The following KCNIP4 variants were observed in gnomAD, a reference collection of about 807,000 sequenced individuals.
The protein encoded by KCNIP4 is potassium voltage-gated channel interacting protein 4, also known as Kv channel-interacting protein 4.
KCNIP4 carries 12 observed loss-of-function variants against 34.0 expected under a neutral mutation model. The observed-to-expected ratio is 0.35, with a 90% CI of 0.23 to 0.57. The LOEUF (loss-of-function observed/expected upper bound fraction) is 0.57, where lower values mean the gene tolerates loss of function less well. Among genes scored for constraint, KCNIP4 ranks in the 20% least tolerant of loss-of-function variants. KCNIP4 has a pLI of 0.83. For missense variants in KCNIP4, 238 were observed against 311.7 expected (o/e 0.76, Z 1.78); for synonymous variants, 124 against 102.2 (o/e 1.21, Z -1.29).
intron 1 of KCNIP4, among the ~76,000 whole-genome samples, chr4:21,569,965 T>G: frequency 6.6e-6 from 1 of 151,194 alleles, no homozygotes. Context: ...AGAATGGGGG[T>G]GGGCTATGTG....
In KCNIP4 at chr4:21,510,917, G is replaced by A. The variant is rs536709052; in HGVS notation, c.61+437654C>T. 1.2e-4 allele frequency among the ~76,000 whole-genome samples: 18 copies of A among 152,126 alleles called. No homozygotes were observed. In the East Asian group the frequency reaches 2.1e-3, roughly 18 times the overall value. On this transcript the variant is annotated intron_variant, in intron 1 of 8. Coordinates refer to ENST00000382152, the MANE Select transcript of KCNIP4 (RefSeq NM_025221.6). ...AAGTTAGCTGGGCATGGTGGTGGGC[G>A]CATGTAGTCCCAGCTACTAGGGAGG...
At chr4:21,888,280 G>C (rs1002003380) in intron 1 of KCNIP4, among the ~76,000 whole-genome samples, 1 of 152,060 alleles carries the variant, frequency 6.6e-6, no homozygotes, top group Non-Finnish European at 1.5e-5. Context: ...GAAGAGTAAG[G>C]GAAAACTGGT....
chr4:20,821,060 A>T (rs534881621), intron 3 of KCNIP4, among the ~76,000 whole-genome samples: 1 of 152,284 alleles, frequency 6.6e-6, no homozygotes, highest in Admixed American at 6.5e-5. Context: ...CAGAGCCTCT[A>T]CTAGGGTAAT....
intron 4 of KCNIP4, among the ~76,000 whole-genome samples, chr4:20,751,589 C>G (rs1377293447): frequency 6.6e-6 from 1 of 152,036 alleles, no homozygotes; most frequent in African/African-American, 2.4e-5. Flanking sequence ...TTAAGCAAGT[C>G]TCTAGTTACC....
At chr4:21,235,693 G>A (rs1258583648) in intron 1 of KCNIP4, among the ~76,000 whole-genome samples, 1 of 152,142 alleles carries the variant, frequency 6.6e-6, no homozygotes, top group Non-Finnish European at 1.5e-5. Flanking sequence ...TCCCCTACTA[G>A]GATGTAACTT....
intron 1 of KCNIP4, among the ~76,000 whole-genome samples, chr4:21,409,432 G>A (rs568466145): frequency 7.9e-5 from 12 of 152,124 alleles, no homozygotes; most frequent in African/African-American, 2.6e-4. Flanking sequence ...TTGTGGATCC[G>A]CTTTTCTGAA....
intron 1 of KCNIP4, among the ~76,000 whole-genome samples, chr4:21,773,745 GTT>G (rs55701942): frequency 0.016 from 1,793 of 115,410 alleles, 33 homozygotes; most frequent in African/African-American, 0.036. Context: ...TTTTTTTGTT[GTT>G]TTTTTTTTTT....
intron 1 of KCNIP4, among the ~76,000 whole-genome samples, 171 bp from the exon 2 acceptor site, chr4:20,882,880 T>C (rs1007542651): frequency 6.6e-6 from 1 of 152,076 alleles, no homozygotes; most frequent in Admixed American, 6.6e-5. Context: ...TTTGTTTTCT[T>C]CTTATTTAGT....
At chr4:20,842,998 C>A (rs1352181410) in intron 3 of KCNIP4, among the ~76,000 whole-genome samples, 1 of 151,608 alleles carries the variant, frequency 6.6e-6, no homozygotes, top group Non-Finnish European at 1.5e-5. Flanking sequence ...ACCTCCACCT[C>A]CCAGGCTCAA....
chr4:20,804,258 T>A (rs1233198092), intron 3 of KCNIP4, among the ~76,000 whole-genome samples: 2 of 152,204 alleles, frequency 1.3e-5, no homozygotes, highest in Non-Finnish European at 2.9e-5. Flanking sequence ...AGTAATTTGC[T>A]CATGGTCATG....
intron 1 of KCNIP4, among the ~76,000 whole-genome samples, chr4:20,947,498 T>C (rs911140691): frequency 6.6e-6 from 1 of 152,170 alleles, no homozygotes; most frequent in African/African-American, 2.4e-5. Context: ...CCCTCACCAA[T>C]CACTCGTTCT....
intron 5 of KCNIP4, among the ~76,000 whole-genome samples, chr4:20,746,129 A>G (rs1264902323): frequency 3.9e-5 from 6 of 152,136 alleles, no homozygotes; most frequent in Admixed American, 2.6e-4. Context: ...AACCAACCCA[A>G]ATGTCCATCA....
chr4:20,798,071 C>T (rs2036507429), intron 3 of KCNIP4, among the ~76,000 whole-genome samples: 1 of 152,174 alleles, frequency 6.6e-6, no homozygotes, highest in Non-Finnish European at 1.5e-5. Flanking sequence ...TTCATTAATT[C>T]ATTTGTTCAT....
chr4:21,694,202 G>C (rs1712010592), intron 1 of KCNIP4, among the ~76,000 whole-genome samples: 1 of 152,150 alleles, frequency 6.6e-6, no homozygotes, highest in Admixed American at 6.5e-5. Flanking sequence ...TACACAAATA[G>C]AAGTGTCGTA....
intron 1 of KCNIP4, among the ~76,000 whole-genome samples, chr4:21,204,471 G>A (rs1277517113): frequency 6.6e-6 from 1 of 152,230 alleles, no homozygotes. Flanking sequence ...GTGGAAATAC[G>A]GTGGGATTAA....
chr4:21,684,710 G>A (rs1012938321), intron 1 of KCNIP4, among the ~76,000 whole-genome samples: 2 of 152,074 alleles, frequency 1.3e-5, no homozygotes, highest in Non-Finnish European at 2.9e-5. Context: ...GGGTACATGT[G>A]CACAACGTGC....
intron 1 of KCNIP4, among the ~76,000 whole-genome samples, chr4:21,823,471 TC>T (rs1722490074): frequency 6.6e-6 from 1 of 151,220 alleles, no homozygotes; most frequent in Admixed American, 6.6e-5. Context: ...ATTCTCCTTG[TC>T]CAAACATAAA....
intron 1 of KCNIP4, among the ~76,000 whole-genome samples, chr4:21,663,728 T>A (rs1375831140): frequency 6.6e-6 from 1 of 152,168 alleles, no homozygotes; most frequent in Non-Finnish European, 1.5e-5. Flanking sequence ...CTCTGGGACA[T>A]CCTTTCAGCA....
chr4:20,920,850 G>A (rs760052484), intron 1 of KCNIP4, among the ~76,000 whole-genome samples: 7 of 152,106 alleles, frequency 4.6e-5, no homozygotes, highest in Non-Finnish European at 1.0e-4. Flanking sequence ...TAAGCCAGGT[G>A]TGGTGGTGCA....
Sources: allele counts gnomAD v4.1 joint callset (sites outside exome capture counted in the v4.1 genomes callset), GRCh38; gene constraint gnomAD v4.1.1; transcripts MANE v1.5; gene names NCBI Gene and HGNC (gene_info 2026-07-23, HGNC 2026-07-21).